PPARGC1A: variants seen among roughly 807,000 people sequenced by gnomAD.
PPARGC1A encodes PPARG coactivator 1 alpha, also known as peroxisome proliferator-activated receptor gamma coactivator 1-alpha.
In PPARGC1A, 25 loss-of-function variants were observed where a neutral mutation model predicts 88.7. The ratio of observed to expected loss-of-function variants is 0.28; its 90% CI spans 0.21 to 0.39. The LOEUF (loss-of-function observed/expected upper bound fraction) is 0.39. PPARGC1A is among the 10% of genes least tolerant of loss of function. The pLI is 1.00. For missense variants in PPARGC1A, 880 were observed against 968.7 expected (o/e 0.91, Z 1.22); for synonymous variants, 363 against 355.6 (o/e 1.02, Z -0.24).
At chr4:24,156,157 G>A in the PPARGC1A span, among the ~76,000 whole-genome samples, 1 of 152,136 alleles carries the variant, frequency 6.6e-6, no homozygotes, top group East Asian at 1.9e-4. Context: ...CAACGACACA[G>A]CTGGAAATAA....
chr4:23,975,563 G>A, the PPARGC1A span, among the ~76,000 whole-genome samples: 2 of 151,942 alleles, frequency 1.3e-5, no homozygotes, highest in African/African-American at 4.8e-5. Context: ...GATTACAGGC[G>A]CATGCCACCA....
At chr4:24,032,669 T>C in the PPARGC1A span, among the ~76,000 whole-genome samples, 1 of 152,318 alleles carries the variant, frequency 6.6e-6, no homozygotes, top group East Asian at 1.9e-4. Context: ...ATGCTCAGCA[T>C]GTCTAGGAAT....
At chr4:24,288,265 C>A in the PPARGC1A span, among the ~76,000 whole-genome samples, 1 of 152,180 alleles carries the variant, frequency 6.6e-6, no homozygotes, top group Non-Finnish European at 1.5e-5. Flanking sequence ...TTCTTTCTAC[C>A]TTATTATGAC....
chr4:24,388,680 G>T, the PPARGC1A span, among the ~76,000 whole-genome samples: 1 of 152,166 alleles, frequency 6.6e-6, no homozygotes, highest in Non-Finnish European at 1.5e-5. Context: ...GGACATGGAT[G>T]AATCTGGAAG....
At chr4:24,299,536 G>T in the PPARGC1A span, among the ~76,000 whole-genome samples, 1,059 of 152,252 alleles carry the variant, frequency 7.0e-3, 11 homozygotes, top group African/African-American at 0.024. Flanking sequence ...GTCTCGTGCA[G>T]CCCTGCTGGG....
the PPARGC1A span, among the ~76,000 whole-genome samples, chr4:24,321,972 G>C: frequency 6.6e-6 from 1 of 152,170 alleles, no homozygotes; most frequent in East Asian, 1.9e-4. Flanking sequence ...GGCTACATGG[G>C]ATTGTTTTTT....
At chr4:23,923,281 A>G in the PPARGC1A span, among the ~76,000 whole-genome samples, 1 of 152,294 alleles carries the variant, frequency 6.6e-6, no homozygotes, top group Admixed American at 6.5e-5. Context: ...CATTATATGC[A>G]GGTCAGCAGA....
At chr4:24,224,398 A>G in the PPARGC1A span, among the ~76,000 whole-genome samples, 74,173 of 152,086 alleles carry the variant, frequency 0.49, 19,441 homozygotes, top group Non-Finnish European at 0.57. Flanking sequence ...GAAACAAAAG[A>G]CAGAGTGCAT....
the PPARGC1A span, among the ~76,000 whole-genome samples, chr4:24,066,413 G>A: frequency 3.3e-5 from 5 of 152,058 alleles, no homozygotes; most frequent in African/African-American, 4.8e-5. Flanking sequence ...GTAGAATTAT[G>A]GCCCTCTAAA....
chr4:24,047,493 C>G, the PPARGC1A span, among the ~76,000 whole-genome samples: 1 of 152,096 alleles, frequency 6.6e-6, no homozygotes, highest in Non-Finnish European at 1.5e-5. Context: ...TCACAAGAAC[C>G]CTATAAGGTA....
At chr4:24,468,896 C>G in the PPARGC1A span, among the ~76,000 whole-genome samples, 2 of 152,118 alleles carry the variant, frequency 1.3e-5, no homozygotes, top group African/African-American at 4.8e-5. Flanking sequence ...TGCCTGCCTG[C>G]TACTGATGTT....
chr4:24,386,101 T>C, the PPARGC1A span, among the ~76,000 whole-genome samples: 6 of 152,134 alleles, frequency 3.9e-5, no homozygotes, highest in African/African-American at 1.4e-4. Context: ...TGCAAATCAA[T>C]AAACATAATC....
At chr4:24,421,732 T>G in the PPARGC1A span, among the ~76,000 whole-genome samples, 1 of 152,204 alleles carries the variant, frequency 6.6e-6, no homozygotes, top group Non-Finnish European at 1.5e-5. Flanking sequence ...CAGCATTCTT[T>G]CAAGACATCT....
chr4:24,364,344 T>C, the PPARGC1A span, among the ~76,000 whole-genome samples: 1 of 152,218 alleles, frequency 6.6e-6, no homozygotes, highest in Non-Finnish European at 1.5e-5. Context: ...ACATTTCGGA[T>C]GAGAAAACCC....
At chr4:24,217,566 G>A in the PPARGC1A span, among the ~76,000 whole-genome samples, 2 of 152,192 alleles carry the variant, frequency 1.3e-5, no homozygotes, top group South Asian at 2.1e-4. Flanking sequence ...ACCTTGGGAG[G>A]CCGAGGCAGG....
chr4:24,035,557 A>T, the PPARGC1A span, among the ~76,000 whole-genome samples: 67 of 151,846 alleles, frequency 4.4e-4, no homozygotes, highest in Non-Finnish European at 7.1e-4. Context: ...AAAAATAATA[A>T]TAATAAATAA....
At chr4:24,059,943 T>A in the PPARGC1A span, among the ~76,000 whole-genome samples, 1 of 152,122 alleles carries the variant, frequency 6.6e-6, no homozygotes, top group African/African-American at 2.4e-5. Flanking sequence ...CTGGAAGGAA[T>A]AAGTTTTGGA....
At chr4:24,340,046 A>T in the PPARGC1A span, among the ~76,000 whole-genome samples, 9 of 152,146 alleles carry the variant, frequency 5.9e-5, no homozygotes, top group Non-Finnish European at 1.2e-4. Flanking sequence ...CTAGGTTTTT[A>T]AAAAATAGAA....
At chr4:24,178,019 A>G in the PPARGC1A span, among the ~76,000 whole-genome samples, 2 of 152,258 alleles carry the variant, frequency 1.3e-5, no homozygotes, top group Non-Finnish European at 2.9e-5. Context: ...TCCCGCCAAC[A>G]GCATGCTTAA....
Sources: gnomAD v4.1 joint callset for allele counts (sites outside exome capture counted in the v4.1 genomes callset) on GRCh38, gnomAD v4.1.1 for gene constraint, MANE v1.5 for transcripts, NCBI Gene and HGNC (gene_info 2026-07-23, HGNC 2026-07-21) for gene names.